The following SMC4 variants were observed in gnomAD, a reference collection of about 807,000 sequenced individuals.
SMC4 encodes the protein structural maintenance of chromosomes 4.
SMC4 carries 87 observed loss-of-function variants against 145.6 expected under a neutral mutation model. The observed-to-expected ratio is 0.60, with a 90% CI of 0.50 to 0.71. The LOEUF is 0.71. Among genes scored for constraint, SMC4 ranks in the 30% least tolerant of loss-of-function variants. The pLI is 0.00. For synonymous variants in SMC4, 558 were observed against 500.7 expected, an observed-to-expected ratio of 1.11 and a Z score of -1.53; for missense variants, 1,447 against 1,537.1, an observed-to-expected ratio of 0.94 and a Z score of 0.98.
intron 8 of SMC4, chr3:160,414,067 A>T (rs1299516570): frequency 1.4e-5 from 6 of 426,878 alleles, no homozygotes; most frequent in South Asian, 3.6e-5. Flanking sequence ...GTATATTCGT[A>T]AAAGGTAAAA....
intron 13 of SMC4, among the ~76,000 whole-genome samples, chr3:160,422,854 A>C (rs1486447128): frequency 8.6e-5 from 13 of 152,018 alleles, no homozygotes; most frequent in Admixed American, 7.9e-4. Context: ...GGCTCAAACT[A>C]CTCTTTCCAT....
At position 160,426,199 on chromosome 3, in the gene SMC4, A is replaced by G; in HGVS notation, c.2604A>G (p.Thr868=). The G allele has an allele frequency of 6.2e-7, 1 of 1,601,922 alleles. No homozygotes were observed. The highest frequency in any genetic ancestry group is 8.5e-7 in the Non-Finnish European group (1 of 1,175,816). The change falls in exon 17 of 24, where the codon ACA becomes ACG. Residue 868 remains threonine, a splice_region_variant and synonymous_variant. Transcript: ENST00000357388. ...LLEENVSAFK[T]EYDAVAEKAG... ...AAGAAAACGTTAGTGCTTTCAAAAC[A>G]GGTATGTTTAGAGATAGACCTTTTT... is the stretch of plus-strand genomic sequence containing the variant.
chr3:160,412,904 A>G, intron 7 of SMC4: 2 of 677,186 alleles, frequency 3.0e-6, no homozygotes, highest in South Asian at 6.3e-5. Flanking sequence ...TGCACTTTTT[A>G]AAATTCGTGT....
intron 5 of SMC4, chr3:160,404,750 A>G (rs781659399): frequency 1.5e-6 from 1 of 646,018 alleles, no homozygotes; most frequent in South Asian, 1.4e-5. Context: ...TACTTGTTCC[A>G]CTCTAGCAGC....
chr3:160,404,156 C>CA (rs957815569), intron 4 of SMC4, 172 bp from the exon 5 acceptor site: 2 of 570,714 alleles, frequency 3.5e-6, no homozygotes, highest in Admixed American at 7.6e-5. Context: ...GGAAAAGTAT[C>CA]AATTCTTTGC....
intron 12 of SMC4, 62 bp downstream of exon 12, chr3:160,419,605 T>G: frequency 6.7e-7 from 1 of 1,497,930 alleles, no homozygotes; most frequent in Non-Finnish European, 9.0e-7. Context: ...GTAACTTATT[T>G]TTTTGCCTTG....
intron 5 of SMC4, 71 bp from the exon 6 acceptor site, chr3:160,411,849 T>C: frequency 7.6e-7 from 1 of 1,310,272 alleles, no homozygotes; most frequent in Non-Finnish European, 1.1e-6. Context: ...ATTTAACTGC[T>C]CCCAATTCTC....
rs539213729 is a variant in SMC4, at chr3:160,430,935, G to A, written c.2941-97G>A. On this transcript the variant is annotated intron_variant, in intron 19 of 23. Transcript: ENST00000357388. The stretch of plus-strand genomic sequence containing the variant: ...TGCTTAAATTATTTTAAAATGGAAG[G>A]GGCATGAGGAGAGATTGGTAATTCC... The A allele has an allele frequency of 9.3e-6, 12 of 1,293,846 alleles. No homozygotes were observed. The East Asian group carries it at 2.9e-4, about 31-fold the overall frequency. The allele number at this position is 1,293,846 out of a possible 1,614,324, so 80.1% of individuals were successfully genotyped here.
In SMC4 at chr3:160,419,383, C is replaced by G. The variant is rs765856656; in HGVS notation, c.1697C>G (p.Thr566Arg). The G allele has an allele frequency of 6.3e-7, 1 of 1,595,488 alleles. No homozygotes were observed. The highest frequency in any genetic ancestry group is 1.8e-5 in the Admixed American group (1 of 54,568). Reference sequence around the variant, plus strand: ...AAAGAAAAAGAACTTCAAAAACTTACACAAGAAGAAACAAACTTTAAAAGT... The same window carrying G: ...AAAGAAAAAGAACTTCAAAAACTTAGACAAGAAGAAACAAACTTTAAAAGT... Reference protein sequence around the residue: ...KEKEKELQKLTQEETNFKSLV... With the variant: ...KEKEKELQKLRQEETNFKSLV... Residue 566 changes from threonine (T) to arginine (R), a missense_variant, in exon 12 of 24, where the codon ACA becomes AGA. Transcript: ENST00000357388.
At chr3:160,404,034 G>A (rs898142977) in intron 4 of SMC4, 3 of 287,492 alleles carry the variant, frequency 1.0e-5, no homozygotes, top group African/African-American at 2.3e-5. Flanking sequence ...TCTTGTCTAC[G>A]TCTTCTCAAT....
In SMC4 at chr3:160,426,086, CAAG is replaced by C; in HGVS notation, c.2497_2499del (p.Glu833del). 2 of 1,601,984 alleles carry C rather than the reference CAAG, an allele frequency of 1.2e-6. No individual in the cohort carries two copies. The highest frequency in any genetic ancestry group is 1.3e-5 in the African/African-American group (1 of 74,318). On this transcript the variant is annotated inframe_deletion, in exon 17 of 24. Transcript: ENST00000357388. ...AACTTTTTTGTAGCGTTTAATAGAG[CAAG>C]AAGAATATTTGAATGTCCAAGTTAA...
chr3:160,404,255 T>C (rs1357600393), intron 4 of SMC4, 73 bp from the exon 5 acceptor site: 11 of 1,362,958 alleles, frequency 8.1e-6, no homozygotes, highest in Non-Finnish European at 1.0e-5. Context: ...CAGTATGAAA[T>C]GAGTGAATTT....
chr3:160,414,420 A>C lies in SMC4; in HGVS notation c.1175A>C (p.Gln392Pro), dbSNP rs745656349. 3 of 1,609,732 alleles carry C rather than the reference A, an allele frequency of 1.9e-6. No individual in the cohort carries two copies. In the African/African-American group the frequency reaches 4.0e-5, roughly 22 times the overall value. ...GAGGAGAATAAAGAAAAATTTACAC[A>C]GCTAGATTTGGAAGATGTTCAAGTT... is the stretch of plus-strand genomic sequence containing the variant. ...FIEENKEKFT[Q>P]LDLEDVQVRE... The change falls in exon 9 of 24, where the codon CAG becomes CCG. Residue 392 changes from glutamine to proline, a missense_variant. By Grantham distance (76) the Gln-to-Pro change is moderately conservative. Transcript: ENST00000357388.
Position 160,409,494 on chromosome 3 carries a change from A to G in SMC4, c.688-2426A>G, listed in dbSNP as rs142573874. Among the ~76,000 whole-genome samples the G allele has an allele frequency of 1.4e-3, 206 of 152,258 alleles. 1 individual carries two copies. Among genetic ancestry groups the G allele is most frequent in the African/African-American group, 4.6e-3 (193 of 41,564 alleles). On this transcript the variant is annotated intron_variant, in intron 5 of 23. Transcript: ENST00000357388. The stretch of plus-strand genomic sequence containing the variant: ...AGCTGTTTCTTAATAGCTGTACTCT[A>G]TCTCTTCAGTAAGTAATTTGCCAGG...
chr3:160,418,498 T>TA (rs559406220), intron 11 of SMC4, among the ~76,000 whole-genome samples: 210 of 149,220 alleles, frequency 1.4e-3, no homozygotes, highest in South Asian at 4.5e-3. Context: ...AAGGTGGCAA[T>TA]AAAAAAAAAA....
chr3:160,400,555 A>G (rs903891772), intron 1 of SMC4: 25 of 413,696 alleles, frequency 6.0e-5, no homozygotes, highest in African/African-American at 6.3e-5. Context: ...CTTAAAAACA[A>G]CAACAACAAA....
chr3:160,414,404 AAAG>A lies in SMC4; in HGVS notation c.1162_1164del (p.Glu388del). On this transcript the variant is annotated inframe_deletion, in exon 9 of 24. Transcript: ENST00000357388. ...AATTACAAAATTTATTGAGGAGAAT[AAAG>A]AAAAATTTACACAGCTAGATTTGGA... 1 of 1,608,108 alleles carries A rather than the reference AAAG, an allele frequency of 6.2e-7. No homozygotes were observed. Among genetic ancestry groups the A allele is most frequent in the Non-Finnish European group, 8.5e-7 (1 of 1,176,378 alleles).
chr3:160,423,447 T>C lies in SMC4; in HGVS notation c.2042T>C (p.Met681Thr). ...LDKMAVWAKK[M>T]TEIQTPENTP... Reference sequence around the variant, plus strand: ...TAGATGGCTGTATGGGCGAAAAAGATGACCGAAATTCAAACTCCTGAAAAT... The same window carrying C: ...TAGATGGCTGTATGGGCGAAAAAGACGACCGAAATTCAAACTCCTGAAAAT... Residue 681 changes from methionine to threonine, a missense_variant, in exon 14 of 24, where the codon ATG becomes ACG. Met to Thr is a moderately conservative substitution (Grantham distance 81). Coordinates refer to ENST00000357388, the MANE Select transcript of SMC4 (RefSeq NM_001002800.3). 1 of 1,605,080 alleles carries C rather than the reference T, an allele frequency of 6.2e-7. No individual in the cohort carries two copies. The highest frequency in any genetic ancestry group is 1.3e-5 in the African/African-American group (1 of 74,732).
intron 12 of SMC4, among the ~76,000 whole-genome samples, chr3:160,420,345 C>T (rs1183623644): frequency 6.6e-6 from 1 of 152,160 alleles, no homozygotes; most frequent in Non-Finnish European, 1.5e-5. Flanking sequence ...TGATCCTATT[C>T]ATTTGCTCTC....
Sources: gnomAD v4.1 joint callset for allele counts (sites outside exome capture counted in the v4.1 genomes callset) on GRCh38, gnomAD v4.1.1 for gene constraint, MANE v1.5 for transcripts, NCBI Gene and HGNC (gene_info 2026-07-23, HGNC 2026-07-21) for gene names.